NTM: variants seen among roughly 807,000 people sequenced by gnomAD.
The protein encoded by NTM is IgLON family member 2.
Under a neutral mutation model 42.1 loss-of-function variants are expected in NTM, and 13 were observed. The ratio of observed to expected loss-of-function variants is 0.31; its 90% CI spans 0.20 to 0.49. The LOEUF is 0.49. NTM is among the 20% of genes least tolerant of loss of function. The pLI, the probability that NTM is intolerant of heterozygous loss-of-function variation, is 0.99. For missense variants in NTM, 373 were observed against 452.8 expected, an observed-to-expected ratio of 0.82 and a Z score of 1.60; for synonymous variants, 187 against 179.2, an observed-to-expected ratio of 1.04 and a Z score of -0.35.
chr11:132,170,781 AT>A (rs771028746), intron 3 of NTM, among the ~76,000 whole-genome samples: 9 of 152,338 alleles, frequency 5.9e-5, no homozygotes, highest in Admixed American at 1.3e-4. Flanking sequence ...TTTAAAAAAA[AT>A]AAATAAATTT....
intron 2 of NTM, among the ~76,000 whole-genome samples, chr11:132,069,714 A>G (rs1376486029): frequency 1.3e-5 from 2 of 150,380 alleles, no homozygotes; most frequent in African/African-American, 4.9e-5. Flanking sequence ...CCAGGTTAAC[A>G]CGTCACACTG....
At chr11:131,849,399 G>A (rs1013088448) in intron 1 of NTM, among the ~76,000 whole-genome samples, 2 of 152,120 alleles carry the variant, frequency 1.3e-5, no homozygotes, top group Admixed American at 1.3e-4. Flanking sequence ...TTTTACTCAT[G>A]ACAGAAGGTG....
At chr11:131,586,189 T>C (rs2058842650) in intron 1 of NTM, among the ~76,000 whole-genome samples, 1 of 152,138 alleles carries the variant, frequency 6.6e-6, no homozygotes, top group African/African-American at 2.4e-5. Flanking sequence ...CATTGAAGCC[T>C]CAACCTCCCA....
intron 2 of NTM, among the ~76,000 whole-genome samples, chr11:132,068,984 A>C (rs933348611): frequency 7.9e-5 from 12 of 152,394 alleles, no homozygotes; most frequent in Admixed American, 7.8e-4. Context: ...GCTTCACAGC[A>C]ATGACGAGAT....
chr11:131,669,556 A>C (rs789516), intron 1 of NTM, among the ~76,000 whole-genome samples: 121,087 of 152,056 alleles, frequency 0.8, 48,433 homozygotes, highest in African/African-American at 0.87. Context: ...GAAGGAGGCT[A>C]CCTTGTTGCA....
chr11:132,092,105 C>T (rs1404759241), intron 2 of NTM, among the ~76,000 whole-genome samples: 1 of 152,172 alleles, frequency 6.6e-6, no homozygotes, highest in East Asian at 1.9e-4. Flanking sequence ...CTCAGTAACG[C>T]CATTTGATAA....
chr11:132,259,949 A>C (rs1326567857), intron 4 of NTM, among the ~76,000 whole-genome samples: 1 of 152,002 alleles, frequency 6.6e-6, no homozygotes, highest in Non-Finnish European at 1.5e-5. Flanking sequence ...GGGTTTCACC[A>C]TGTTGATCAG....
At chr11:131,757,423 T>G (rs772930606) in intron 1 of NTM, among the ~76,000 whole-genome samples, 4 of 152,210 alleles carry the variant, frequency 2.6e-5, no homozygotes, top group Non-Finnish European at 5.9e-5. Context: ...CACACCGTTT[T>G]CCCAAGGGGT....
chr11:132,001,964 G>C (rs2069376752), intron 2 of NTM, among the ~76,000 whole-genome samples: 2 of 152,150 alleles, frequency 1.3e-5, no homozygotes, highest in South Asian at 4.1e-4. Context: ...AGTGGATAAG[G>C]AGAATGGGTA....
Position 131,929,880 on chromosome 11 carries a change from A to C in NTM, c.167+18232A>C, listed in dbSNP as rs573693272. 1.2e-3 allele frequency among the ~76,000 whole-genome samples: 188 copies of C among 152,350 alleles called. 2 individuals are homozygous for C. The highest frequency in any genetic ancestry group is 2.3e-3 in the Non-Finnish European group (155 of 68,030). On this transcript the variant is annotated intron_variant, in intron 2 of 8. Transcript: ENST00000683400. ...CGTGCTCATGGTCCTGCGATGGCTG[A>C]AATCCGTGAAATGTCCAGAAAGAAT...
intron 3 of NTM, among the ~76,000 whole-genome samples, chr11:132,174,912 C>T (rs756505560): frequency 2.6e-5 from 4 of 152,016 alleles, no homozygotes; most frequent in Non-Finnish European, 5.9e-5. Flanking sequence ...CAGAATTCAT[C>T]ATAATCACAT....
In NTM at chr11:132,079,957, G is replaced by A. The variant is rs182841097; in HGVS notation, c.168-66325G>A. ...TTCTGTAGTTGATTTTTTAAATTTCGAAATATGACATTTTCTCATGGGCTC... is the reference window on the plus strand; with the variant it reads ...TTCTGTAGTTGATTTTTTAAATTTCAAAATATGACATTTTCTCATGGGCTC... On this transcript the variant is annotated intron_variant, in intron 2 of 8. Transcript: ENST00000683400. Among the ~76,000 whole-genome samples, 100 of 152,112 alleles carry A rather than the reference G, an allele frequency of 6.6e-4. 1 individual carries two copies. The highest frequency in any genetic ancestry group is 4.8e-3 in the East Asian group (25 of 5,164).
chr11:132,164,698 T>C (rs2074984570), intron 3 of NTM, among the ~76,000 whole-genome samples: 2 of 152,142 alleles, frequency 1.3e-5, no homozygotes, highest in African/African-American at 2.4e-5. Context: ...TTGCTGTTCT[T>C]CCACAAGTTC....
intron 2 of NTM, among the ~76,000 whole-genome samples, chr11:131,948,591 C>T (rs916683456): frequency 7.2e-5 from 11 of 152,056 alleles, no homozygotes; most frequent in African/African-American, 2.2e-4. Flanking sequence ...TCAGTGTGTC[C>T]GGTTCAGCCC....
At chr11:132,088,752 C>T (rs1594549811) in intron 2 of NTM, among the ~76,000 whole-genome samples, 1 of 152,266 alleles carries the variant, frequency 6.6e-6, no homozygotes, top group East Asian at 1.9e-4. Flanking sequence ...TTAGGCAAGC[C>T]CCCTATGCAC....
intron 1 of NTM, among the ~76,000 whole-genome samples, chr11:131,641,805 C>G (rs960204910): frequency 6.6e-6 from 1 of 150,762 alleles, no homozygotes. Flanking sequence ...CGGCTCACTG[C>G]AACCTCCAAC....
intron 4 of NTM, among the ~76,000 whole-genome samples, chr11:132,290,108 A>G (rs182347561): frequency 6.6e-6 from 1 of 152,320 alleles, no homozygotes; most frequent in East Asian, 1.9e-4. Context: ...TTTAACCTTC[A>G]GAGCTCTCAT....
intron 2 of NTM, among the ~76,000 whole-genome samples, chr11:132,055,373 C>T (rs149039052): frequency 2.4e-3 from 365 of 152,196 alleles, no homozygotes; most frequent in Middle Eastern, 6.8e-3. Flanking sequence ...AGAGCCCTAG[C>T]GTCAGAGGGG....
intron 4 of NTM, among the ~76,000 whole-genome samples, chr11:132,255,335 C>T (rs1344588716): frequency 8.5e-5 from 13 of 152,084 alleles, no homozygotes; most frequent in African/African-American, 9.7e-5. Flanking sequence ...GACAATATGA[C>T]GTTCTTGAGT....
Sources: gnomAD v4.1 joint callset for allele counts (sites outside exome capture counted in the v4.1 genomes callset) on GRCh38, gnomAD v4.1.1 for gene constraint, MANE v1.5 for transcripts, NCBI Gene and HGNC (gene_info 2026-07-23, HGNC 2026-07-21) for gene names.